INPP4A: variants seen among roughly 807,000 people sequenced by gnomAD.
INPP4A encodes the protein inositol polyphosphate-4-phosphatase, type I, 107kD.
In INPP4A, 33 loss-of-function variants were observed where a neutral mutation model predicts 119.8. That is an observed-to-expected ratio of 0.28 (90% CI 0.21 to 0.37). The LOEUF (loss-of-function observed/expected upper bound fraction) is 0.37, where lower values mean the gene tolerates loss of function less well. Among genes scored for constraint, INPP4A ranks in the 10% least tolerant of loss-of-function variants. The probability of loss-of-function intolerance (pLI) is 1.00; values close to 1 mark genes in which losing one functional copy is unlikely to be tolerated. For synonymous variants in INPP4A, 496 were observed against 500.7 expected (o/e 0.99, Z 0.12); for missense variants, 956 against 1,289.9 (o/e 0.74, Z 3.97).
rs574149520 is a variant in INPP4A at position 98,465,689 on chromosome 2, G to A, written c.-166+20604G>A. 3.9e-5 allele frequency among the ~76,000 whole-genome samples: 6 copies of A among 152,274 alleles called. No individual in the cohort carries two copies. In the South Asian group the frequency reaches 8.3e-4, roughly 21 times the overall value. On this transcript the variant is annotated intron_variant, in intron 1 of 24. Transcript: ENST00000409851. Reference sequence around the variant, plus strand: ...AGACTCTGGGGTAGCTGACTCTGGGGTCATTTTGTCATGTTGCTGGGCACT... The same window carrying A: ...AGACTCTGGGGTAGCTGACTCTGGGATCATTTTGTCATGTTGCTGGGCACT...
intron 16 of INPP4A, among the ~76,000 whole-genome samples, chr2:98,558,422 A>C (rs1241744227): frequency 6.6e-6 from 1 of 152,222 alleles, no homozygotes; most frequent in Non-Finnish European, 1.5e-5. Context: ...TGTTAGCAAC[A>C]TGGTCTCAGG....
intron 1 of INPP4A, among the ~76,000 whole-genome samples, chr2:98,490,600 C>T (rs1040764120): frequency 6.6e-5 from 10 of 152,168 alleles, no homozygotes; most frequent in African/African-American, 1.9e-4. Flanking sequence ...GAGGTATTTG[C>T]GACCTGGTTT....
At chr2:98,551,379 C>T (rs575448374) in intron 13 of INPP4A, among the ~76,000 whole-genome samples, 3 of 152,320 alleles carry the variant, frequency 2.0e-5, no homozygotes, top group South Asian at 4.1e-4. Context: ...TGGAATGACT[C>T]CTGTTGTGCC....
intron 1 of INPP4A, among the ~76,000 whole-genome samples, chr2:98,459,279 TC>T (rs1696709538): frequency 6.6e-6 from 1 of 152,056 alleles, no homozygotes; most frequent in Non-Finnish European, 1.5e-5. Context: ...TCCCGCCCAC[TC>T]CTCCCTACCC....
chr2:98,448,750 G>A (rs1005948092), intron 1 of INPP4A, among the ~76,000 whole-genome samples: 1 of 142,458 alleles, frequency 7.0e-6, no homozygotes. Context: ...GTCTCCCTTC[G>A]TTGGAGTGCA....
chr2:98,553,706 G>T (rs529453873), intron 14 of INPP4A, among the ~76,000 whole-genome samples: 7 of 152,184 alleles, frequency 4.6e-5, no homozygotes, highest in African/African-American at 1.7e-4. Context: ...TGTGAGGTGG[G>T]GATTAGATCC....
intron 1 of INPP4A, among the ~76,000 whole-genome samples, chr2:98,445,978 G>T (rs1252518889): frequency 2.6e-5 from 4 of 152,232 alleles, no homozygotes; most frequent in African/African-American, 9.6e-5. Flanking sequence ...TAAACCAAGG[G>T]AATGGGGGTG....
At chr2:98,505,920 T>G (rs1007640421) in intron 1 of INPP4A, among the ~76,000 whole-genome samples, 1 of 152,262 alleles carries the variant, frequency 6.6e-6, no homozygotes, top group Non-Finnish European at 1.5e-5. Context: ...AATTTTTGTT[T>G]TTTAAACTTT....
Position 98,539,558 on chromosome 2 carries a change from G to A in INPP4A, c.701G>A (p.Arg234Gln), listed in dbSNP as rs1179261857. The A allele has an allele frequency of 3.1e-6, 5 of 1,611,610 alleles. No homozygotes were observed. Among genetic ancestry groups the A allele is most frequent in the African/African-American group, 2.7e-5 (2 of 74,844 alleles). Residue 234 changes from arginine to glutamine, a missense_variant, in exon 10 of 25, where the codon CGG (arginine) becomes CAG (glutamine). Physicochemically the swap from Arg to Gln is conservative, Grantham distance 43 (BLOSUM62 1). Coordinates refer to ENST00000409851, the MANE Select transcript of INPP4A (RefSeq NM_001134225.2). ...GGTGGTGCCATCTGCCGCATGTACC[G>A]GTTTCCAACCACTGATGGTAACCAT... ...VFGGAICRMYRFPTTDGNHLR... is the reference protein window; with the variant it reads ...VFGGAICRMYQFPTTDGNHLR...
chr2:98,520,569 T>C (rs995841219), intron 3 of INPP4A, 118 bp from the exon 4 acceptor site: 1 of 699,238 alleles, frequency 1.4e-6, no homozygotes, highest in South Asian at 1.7e-5. Context: ...AAAGAAATTG[T>C]CTTGCATGGC....
At chr2:98,469,615 C>T (rs1394051404) in intron 1 of INPP4A, among the ~76,000 whole-genome samples, 1 of 151,920 alleles carries the variant, frequency 6.6e-6, no homozygotes. Flanking sequence ...CTAGCCTGAC[C>T]AACATGGAGA....
chr2:98,565,148 C>A (rs568410599), intron 19 of INPP4A, among the ~76,000 whole-genome samples: 1 of 152,224 alleles, frequency 6.6e-6, no homozygotes, highest in East Asian at 1.9e-4. Flanking sequence ...TCCAAATTGC[C>A]CTCTAAAAAG....
intron 13 of INPP4A, 96 bp from the exon 14 acceptor site, chr2:98,552,690 T>A: frequency 1.0e-6 from 1 of 996,380 alleles, no homozygotes; most frequent in Non-Finnish European, 1.6e-6. Context: ...CACAGAACAC[T>A]TCATCTTAGG....
At chr2:98,476,594 G>GGTGGC (rs961414803) in intron 1 of INPP4A, among the ~76,000 whole-genome samples, 18 of 152,262 alleles carry the variant, frequency 1.2e-4, no homozygotes, top group Middle Eastern at 3.4e-3. Context: ...TTGGGGGAGG[G>GGTGGC]GTGGCGCTCC....
chr2:98,533,575 T>C (rs1401025749), intron 5 of INPP4A, 80 bp downstream of exon 5: 9 of 847,752 alleles, frequency 1.1e-5, no homozygotes, highest in African/African-American at 1.7e-5. Context: ...CAGTTACTTG[T>C]GCATCTGTAG....
At chr2:98,507,141 T>C (rs1409340423) in intron 1 of INPP4A, among the ~76,000 whole-genome samples, 1 of 152,220 alleles carries the variant, frequency 6.6e-6, no homozygotes, top group Non-Finnish European at 1.5e-5. Flanking sequence ...ATTCTGGCCA[T>C]TTCTGGCCTC....
intron 13 of INPP4A, among the ~76,000 whole-genome samples, chr2:98,549,846 C>T (rs904898422): frequency 3.9e-5 from 6 of 152,126 alleles, no homozygotes; most frequent in South Asian, 2.1e-4. Context: ...CATCTAGGGA[C>T]GGTTGCTGCT....
intron 1 of INPP4A, among the ~76,000 whole-genome samples, chr2:98,470,148 A>T (rs559922961): frequency 1.3e-5 from 2 of 152,188 alleles, no homozygotes; most frequent in African/African-American, 2.4e-5. Context: ...AGAACACATG[A>T]CATGTTGATG....
intron 1 of INPP4A, among the ~76,000 whole-genome samples, chr2:98,505,034 TC>T (rs1306360543): frequency 6.6e-6 from 1 of 152,250 alleles, no homozygotes; most frequent in Non-Finnish European, 1.5e-5. Flanking sequence ...CTCTGTCTTT[TC>T]TTTGTTTTCC....
Sources: gnomAD v4.1 joint callset for allele counts (sites outside exome capture counted in the v4.1 genomes callset) on GRCh38, gnomAD v4.1.1 for gene constraint, MANE v1.5 for transcripts, NCBI Gene and HGNC (gene_info 2026-07-23, HGNC 2026-07-21) for gene names.